Variants in GABBR2 observed in about 807,000 individuals in gnomAD.
The protein encoded by GABBR2 is G-protein coupled receptor 51.
GABBR2 carries 23 observed loss-of-function variants against 105.6 expected under a neutral mutation model. The ratio of observed to expected loss-of-function variants is 0.22; its 90% CI spans 0.16 to 0.31. The LOEUF is 0.31. GABBR2 is among the 10% of genes least tolerant of loss of function. The pLI, the probability that GABBR2 is intolerant of heterozygous loss-of-function variation, is 1.00. For synonymous variants in GABBR2, 478 were observed against 499.7 expected, an observed-to-expected ratio of 0.96 and a Z score of 0.58; for missense variants, 734 against 1,245.5, an observed-to-expected ratio of 0.59 and a Z score of 6.18.
intron 1 of GABBR2, among the ~76,000 whole-genome samples, chr9:98,674,129 T>A (rs546308738): frequency 1.1e-4 from 16 of 152,144 alleles, no homozygotes; most frequent in Non-Finnish European, 1.6e-4. Flanking sequence ...TAAACTTCCC[T>A]TGGCAGTTCT....
chr9:98,362,349 C>A (rs1831600381), intron 13 of GABBR2, among the ~76,000 whole-genome samples: 1 of 152,138 alleles, frequency 6.6e-6, no homozygotes, highest in Admixed American at 6.5e-5. Flanking sequence ...CTAGAAGGAG[C>A]TTTCAGAATG....
intron 8 of GABBR2, among the ~76,000 whole-genome samples, chr9:98,401,243 T>C (rs1398145415): frequency 6.6e-6 from 1 of 152,206 alleles, no homozygotes; most frequent in Non-Finnish European, 1.5e-5. Context: ...GAGACTAAGC[T>C]TCTTTGCCTA....
chr9:98,542,347 A>T (rs1353340192), intron 2 of GABBR2, among the ~76,000 whole-genome samples: 1 of 152,182 alleles, frequency 6.6e-6, no homozygotes, highest in Non-Finnish European at 1.5e-5. Flanking sequence ...TGAATTTTTT[A>T]AAAAAGATCC....
chr9:98,639,467 C>A (rs576831036), intron 1 of GABBR2, among the ~76,000 whole-genome samples: 2 of 152,160 alleles, frequency 1.3e-5, no homozygotes, highest in Admixed American at 1.3e-4. Context: ...GGGCCTCCCC[C>A]ACCACCCCTG....
chr9:98,343,714 C>A (rs537125538), intron 13 of GABBR2, among the ~76,000 whole-genome samples: 3 of 151,866 alleles, frequency 2.0e-5, no homozygotes, highest in African/African-American at 4.8e-5. Flanking sequence ...AAAAATTAGC[C>A]GGGTATGGTG....
chr9:98,300,182 A>G (rs1352861939), intron 16 of GABBR2, among the ~76,000 whole-genome samples: 1 of 151,412 alleles, frequency 6.6e-6, no homozygotes, highest in African/African-American at 2.4e-5. Flanking sequence ...ACTATTACTG[A>G]TACTTAATAG....
At chr9:98,580,899 C>T (rs1166506873) in intron 1 of GABBR2, among the ~76,000 whole-genome samples, 2 of 152,186 alleles carry the variant, frequency 1.3e-5, no homozygotes, top group Admixed American at 6.5e-5. Flanking sequence ...GTGTCCTCCT[C>T]ATTTTTTTCT....
At chr9:98,448,772 T>C (rs1157595677) in intron 7 of GABBR2, among the ~76,000 whole-genome samples, 1 of 152,216 alleles carries the variant, frequency 6.6e-6, no homozygotes, top group East Asian at 1.9e-4. Flanking sequence ...GCTGTCCTTT[T>C]AAAAGACAAA....
At chr9:98,462,193 T>A (rs78293983) in intron 6 of GABBR2, among the ~76,000 whole-genome samples, 6,267 of 152,342 alleles carry the variant, frequency 0.041, 203 homozygotes, top group East Asian at 0.14. Context: ...TTTTTCAACA[T>A]ATCCCATGTG....
chr9:98,649,607 G>C (rs761805320), intron 1 of GABBR2, among the ~76,000 whole-genome samples: 1 of 152,132 alleles, frequency 6.6e-6, no homozygotes, highest in Non-Finnish European at 1.5e-5. Context: ...CAATTCACAA[G>C]CCCGGGGACT....
At chr9:98,471,556 C>T (rs1826681235) in intron 6 of GABBR2, among the ~76,000 whole-genome samples, 1 of 152,248 alleles carries the variant, frequency 6.6e-6, no homozygotes, top group Admixed American at 6.5e-5. Flanking sequence ...TGGCTCCCAC[C>T]CTGGCTGAAA....
At position 98,587,326 on chromosome 9, in the gene GABBR2, T is replaced by C. The variant is rs148828551; in HGVS notation, c.322-9254A>G. On this transcript the variant is annotated intron_variant, in intron 1 of 18. Transcript: ENST00000259455. ...CCGCATTCTGAGTATTGACTTCTGT[T>C]AATGCGGCTTCAGTCTGCACACCTT... is the stretch of plus-strand genomic sequence containing the variant. 2.4e-3 allele frequency among the ~76,000 whole-genome samples: 371 copies of C among 152,316 alleles called. 1 individual carries two copies. The highest frequency in any genetic ancestry group is 8.0e-3 in the African/African-American group (334 of 41,564).
chr9:98,602,865 A>G (rs1829361842), intron 1 of GABBR2, among the ~76,000 whole-genome samples: 1 of 152,312 alleles, frequency 6.6e-6, no homozygotes, highest in South Asian at 2.1e-4. Context: ...TCTGTACTGG[A>G]GAGTCCAGTA....
chr9:98,418,841 A>T (rs1452455658), intron 7 of GABBR2, among the ~76,000 whole-genome samples: 1 of 152,198 alleles, frequency 6.6e-6, no homozygotes, highest in Non-Finnish European at 1.5e-5. Flanking sequence ...CTACAGCGCC[A>T]TGCATCACCA....
chr9:98,298,617 G>GT (rs1021428423), intron 17 of GABBR2, among the ~76,000 whole-genome samples: 4 of 151,988 alleles, frequency 2.6e-5, no homozygotes, highest in Admixed American at 6.6e-5. Context: ...ATGGTTTGTG[G>GT]TTTTTTTTAA....
At chr9:98,641,683 A>C (rs1829964297) in intron 1 of GABBR2, among the ~76,000 whole-genome samples, 1 of 152,162 alleles carries the variant, frequency 6.6e-6, no homozygotes, top group Admixed American at 6.5e-5. Flanking sequence ...TAGAGAATCC[A>C]TTCTGCCTTA....
intron 11 of GABBR2, among the ~76,000 whole-genome samples, chr9:98,379,901 A>G (rs1831941962): frequency 6.6e-6 from 1 of 152,232 alleles, no homozygotes; most frequent in African/African-American, 2.4e-5. Context: ...ATTTAAAAAA[A>G]TCTGAGACAA....
At chr9:98,529,651 A>G (rs185937715) in intron 3 of GABBR2, among the ~76,000 whole-genome samples, 3 of 151,976 alleles carry the variant, frequency 2.0e-5, no homozygotes, top group Non-Finnish European at 2.9e-5. Flanking sequence ...AATAAAAATA[A>G]CCACAAAAAA....
chr9:98,627,222 C>T (rs1829750964), intron 1 of GABBR2, among the ~76,000 whole-genome samples: 1 of 152,144 alleles, frequency 6.6e-6, no homozygotes, highest in African/African-American at 2.4e-5. Context: ...GGGACTTTCT[C>T]TGTGAATAAG....
Sources: allele counts gnomAD v4.1 joint callset (sites outside exome capture counted in the v4.1 genomes callset), GRCh38; gene constraint gnomAD v4.1.1; transcripts MANE v1.5; gene names NCBI Gene and HGNC (gene_info 2026-07-23, HGNC 2026-07-21).